Variants in FRMD3 observed in about 807,000 individuals in gnomAD.
FRMD3 encodes the protein FERM domain-containing protein 3.
FRMD3 carries 33 observed loss-of-function variants against 70.2 expected under a neutral mutation model. The ratio of observed to expected loss-of-function variants is 0.47; its 90% CI spans 0.36 to 0.63. The LOEUF (loss-of-function observed/expected upper bound fraction) is 0.63. FRMD3 is among the 20% of genes least tolerant of loss of function. The pLI, the probability that FRMD3 is intolerant of heterozygous loss-of-function variation, is 0.00. For synonymous variants in FRMD3, 279 were observed against 255.9 expected, an observed-to-expected ratio of 1.09 and a Z score of -0.86; for missense variants, 632 against 711.4, an observed-to-expected ratio of 0.89 and a Z score of 1.27.
chr9:83,363,553 CTTTTTTTTTT>C (rs34789292), intron 3 of FRMD3, among the ~76,000 whole-genome samples: 2,265 of 113,348 alleles, frequency 0.02, 77 homozygotes, highest in African/African-American at 0.069. Flanking sequence ...GAGACATAGG[CTTTTTTTTTT>C]TTTTTTTTTT....
At chr9:83,500,502 G>GTGTATGCACACACACACA (rs1554713117) in intron 1 of FRMD3, among the ~76,000 whole-genome samples, 3 of 143,818 alleles carry the variant, frequency 2.1e-5, no homozygotes, top group African/African-American at 7.7e-5. Context: ...GTGTATGCGC[G>GTGTATGCACACACACACA]CACACACACA....
At chr9:83,379,600 A>C (rs1170713861) in intron 2 of FRMD3, among the ~76,000 whole-genome samples, 1 of 152,184 alleles carries the variant, frequency 6.6e-6, no homozygotes, top group East Asian at 1.9e-4. Context: ...GAGTAAGATG[A>C]ACCAGTGGAT....
chr9:83,416,783 C>CTG (rs1163709281), intron 1 of FRMD3, among the ~76,000 whole-genome samples: 2 of 94,420 alleles, frequency 2.1e-5, no homozygotes, highest in African/African-American at 8.8e-5. Flanking sequence ...CTCTCTCTCT[C>CTG]TCTCACTCTC....
intron 13 of FRMD3, among the ~76,000 whole-genome samples, chr9:83,265,114 G>A (rs765168471): frequency 8.5e-5 from 13 of 152,072 alleles, no homozygotes; most frequent in African/African-American, 1.2e-4. Flanking sequence ...AAAAGTGCCC[G>A]TGTCGGCCAG....
intron 6 of FRMD3, among the ~76,000 whole-genome samples, chr9:83,314,946 ATC>A (rs1328055965): frequency 1.3e-5 from 2 of 151,954 alleles, no homozygotes; most frequent in Non-Finnish European, 2.9e-5. Context: ...CATTCTTTAT[ATC>A]TCTGTCTTTT....
At chr9:83,370,214 T>C (rs1824926208) in intron 3 of FRMD3, among the ~76,000 whole-genome samples, 1 of 152,140 alleles carries the variant, frequency 6.6e-6, no homozygotes, top group Non-Finnish European at 1.5e-5. Flanking sequence ...TTTCGATAAA[T>C]TCATGGACAA....
the FRMD3 span, among the ~76,000 whole-genome samples, chr9:83,550,459 G>A: frequency 6.6e-6 from 1 of 151,848 alleles, no homozygotes; most frequent in Non-Finnish European, 1.5e-5. Flanking sequence ...AAATTTTTAA[G>A]TAATTTTTCT....
rs535768739 is a variant in FRMD3, at chr9:83,513,357, G to A, written c.147+24728C>T. ...GAGAGTACTAACCTCTGAGGAGCAC[G>A]TCTAGGGTCAGATGTAGGAAGATGA... On this transcript the variant is annotated intron_variant, in intron 1 of 13. Coordinates refer to ENST00000304195, the MANE Select transcript of FRMD3 (RefSeq NM_174938.6). Among the ~76,000 whole-genome samples, 42 of 152,320 alleles carry A rather than the reference G, an allele frequency of 2.8e-4. 1 individual carries two copies. The highest frequency in any genetic ancestry group is 1.9e-3 in the Admixed American group (29 of 15,300).
intron 1 of FRMD3, among the ~76,000 whole-genome samples, chr9:83,410,536 C>A (rs1826248782): frequency 6.6e-6 from 1 of 152,176 alleles, no homozygotes; most frequent in African/African-American, 2.4e-5. Flanking sequence ...TTTTCTTTAT[C>A]CGCTCCACCA....
chr9:83,299,068 G>A, intron 11 of FRMD3, 44 bp downstream of exon 11: 1 of 1,391,694 alleles, frequency 7.2e-7, no homozygotes, highest in Non-Finnish European at 1.0e-6. Context: ...TTAAGTGGCT[G>A]CCCATCCCCA....
At chr9:83,387,581 C>T (rs186022071) in intron 2 of FRMD3, among the ~76,000 whole-genome samples, 1 of 152,296 alleles carries the variant, frequency 6.6e-6, no homozygotes, top group East Asian at 1.9e-4. Context: ...AACCTGTTTG[C>T]AGTGGTGACT....
intron 1 of FRMD3, among the ~76,000 whole-genome samples, chr9:83,519,645 A>G (rs1018022424): frequency 1.1e-4 from 16 of 152,228 alleles, no homozygotes; most frequent in Admixed American, 7.2e-4. Context: ...ATTACTGGGT[A>G]TATACCCAAA....
intron 1 of FRMD3, among the ~76,000 whole-genome samples, chr9:83,402,238 C>T (rs188793254): frequency 1.1e-4 from 17 of 148,908 alleles, no homozygotes; most frequent in Admixed American, 1.1e-3. Flanking sequence ...GAATTCTTAA[C>T]GCCCCAGGAG....
rs916066028 is a variant in FRMD3 at position 83,254,561 on chromosome 9, TA to T, written c.1196-6046del. On this transcript the variant is annotated intron_variant, in intron 13 of 13. Transcript: ENST00000304195. ...GAGAGAAGTGAAGGAGATAGAGGCA[TA>T]AAAAAAAAAATTCAAAAAGTCAATG... Among the ~76,000 whole-genome samples the T allele has an allele frequency of 3.3e-3, 462 of 138,384 alleles. 2 individuals carry two copies. Among genetic ancestry groups the T allele is most frequent in the African/African-American group, 0.01 (395 of 37,802 alleles). The allele number at this position is 138,384 out of a possible 152,430, so 90.8% of individuals were successfully genotyped here.
chr9:83,413,983 C>A (rs1226448745), intron 1 of FRMD3, among the ~76,000 whole-genome samples: 3 of 152,110 alleles, frequency 2.0e-5, no homozygotes, highest in Admixed American at 2.0e-4. Context: ...GGAGACCATA[C>A]AAAGTGTTGA....
At chr9:83,479,777 G>GGAAGGAA (rs1828520667) in intron 1 of FRMD3, among the ~76,000 whole-genome samples, 1 of 70,406 alleles carries the variant, frequency 1.4e-5, no homozygotes, top group African/African-American at 6.6e-5. Context: ...GAGGGAGGGA[G>GGAAGGAA]GGAGGGAGGG....
At chr9:83,385,860 C>T (rs10780601) in intron 2 of FRMD3, among the ~76,000 whole-genome samples, 40,682 of 152,026 alleles carry the variant, frequency 0.27, 6,286 homozygotes, top group Non-Finnish European at 0.34. Context: ...CTTCTCTCTC[C>T]AATGATCTTA....
At chr9:83,338,619 G>A (rs1280501265) in intron 5 of FRMD3, among the ~76,000 whole-genome samples, 2 of 152,074 alleles carry the variant, frequency 1.3e-5, no homozygotes, top group African/African-American at 4.8e-5. Flanking sequence ...GTAAGAAGGA[G>A]GGAATACAAT....
At chr9:83,430,268 G>A (rs980067016) in intron 1 of FRMD3, among the ~76,000 whole-genome samples, 14 of 151,854 alleles carry the variant, frequency 9.2e-5, no homozygotes, top group Non-Finnish European at 1.3e-4. Flanking sequence ...CTTGTCCCAC[G>A]CTGGCCCCTC....
Sources: allele counts gnomAD v4.1 joint callset (sites outside exome capture counted in the v4.1 genomes callset), GRCh38; gene constraint gnomAD v4.1.1; transcripts MANE v1.5; gene names NCBI Gene and HGNC (gene_info 2026-07-23, HGNC 2026-07-21).